The following ENPP2 variants were observed in gnomAD, a reference collection of about 807,000 sequenced individuals.
ENPP2 encodes the protein ectonucleotide pyrophosphatase/phosphodiesterase 2, also known as autotaxin.
ENPP2 carries 51 observed loss-of-function variants against 120.2 expected under a neutral mutation model. The observed-to-expected ratio is 0.42, with a 90% CI of 0.34 to 0.54. The LOEUF (loss-of-function observed/expected upper bound fraction) is 0.54. ENPP2 is among the 20% of genes least tolerant of loss of function. ENPP2 has a pLI of 0.04. For synonymous variants in ENPP2, 365 were observed against 366.4 expected (o/e 1.00, Z 0.04); for missense variants, 920 against 1,066.5 (o/e 0.86, Z 1.91).
At chr8:119,658,730 A>T (rs953429345) in intron 1 of ENPP2, among the ~76,000 whole-genome samples, 29 of 152,094 alleles carry the variant, frequency 1.9e-4, no homozygotes, top group African/African-American at 7.0e-4. Flanking sequence ...ACCCCAGGCC[A>T]CAGGACTATA....
intron 23 of ENPP2, among the ~76,000 whole-genome samples, chr8:119,564,109 C>A (rs1814199448): frequency 6.6e-6 from 1 of 151,808 alleles, no homozygotes; most frequent in African/African-American, 2.4e-5. Flanking sequence ...TGCCCAACAG[C>A]ACCAAAGAGA....
At chr8:119,574,695 A>C (rs1812212853) in intron 19 of ENPP2, among the ~76,000 whole-genome samples, 1 of 152,042 alleles carries the variant, frequency 6.6e-6, no homozygotes, top group African/African-American at 2.4e-5. Flanking sequence ...GGCTGTCTTG[A>C]GAGCCACATG....
chr8:119,590,251 G>A (rs563723342), intron 13 of ENPP2, among the ~76,000 whole-genome samples: 1 of 152,144 alleles, frequency 6.6e-6, no homozygotes, highest in Non-Finnish European at 1.5e-5. Flanking sequence ...TTTATATAAT[G>A]CTACTATGTG....
chr8:119,619,417 CAAA>C (rs5894488), intron 4 of ENPP2, 113 bp from the exon 5 acceptor site: 1,778 of 428,064 alleles, frequency 4.2e-3, no homozygotes, highest in South Asian at 7.3e-3. Flanking sequence ...TGGGATATAA[CAAA>C]AAAAAAAAAA....
chr8:119,591,487 T>C (rs369516445), intron 12 of ENPP2, among the ~76,000 whole-genome samples: 1 of 152,188 alleles, frequency 6.6e-6, no homozygotes, highest in East Asian at 1.9e-4. Context: ...CTACTAGAGA[T>C]CTTATTGAAA....
intron 15 of ENPP2, 26 bp from the exon 16 acceptor site, chr8:119,584,075 G>C (rs1370838288): frequency 6.9e-7 from 1 of 1,440,908 alleles, no homozygotes. Flanking sequence ...TTCATGATTA[G>C]TTAGAATTTC....
At chr8:119,667,719 T>A (rs1270963791) in intron 1 of ENPP2, among the ~76,000 whole-genome samples, 1 of 152,206 alleles carries the variant, frequency 6.6e-6, no homozygotes, top group Admixed American at 6.5e-5. Flanking sequence ...TTACCAGCCA[T>A]CCTTCCAACT....
intron 1 of ENPP2, among the ~76,000 whole-genome samples, chr8:119,662,249 A>G (rs991290191): frequency 2.6e-5 from 4 of 152,212 alleles, no homozygotes; most frequent in African/African-American, 9.6e-5. Flanking sequence ...ATATGTATAC[A>G]TTCAACAGTG....
At chr8:119,626,765 T>A (rs368551300) in intron 2 of ENPP2, 45 bp from the exon 3 acceptor site, 2 of 1,590,662 alleles carry the variant, frequency 1.3e-6, no homozygotes, top group African/African-American at 2.7e-5. Context: ...AGAGTGGTCA[T>A]GTCACCATGG....
chr8:119,592,924 C>T, intron 12 of ENPP2: 18 of 930,148 alleles, frequency 1.9e-5, no homozygotes, highest in Non-Finnish European at 2.3e-5. Flanking sequence ...GATTTGCCTA[C>T]CATTCTTAAC....
At chr8:119,621,283 C>T in intron 4 of ENPP2, 111 bp downstream of exon 4, 2 of 914,454 alleles carry the variant, frequency 2.2e-6, no homozygotes, top group Non-Finnish European at 3.5e-6. Flanking sequence ...CAATTCATTC[C>T]TTCCTCCCAA....
chr8:119,624,057 T>C (rs1816101688), intron 3 of ENPP2, among the ~76,000 whole-genome samples: 1 of 152,164 alleles, frequency 6.6e-6, no homozygotes, highest in Admixed American at 6.5e-5. Context: ...ACTCTAGATA[T>C]TGTGGGGTTT....
chr8:119,589,689 A>C (rs545142796), intron 13 of ENPP2, among the ~76,000 whole-genome samples: 1 of 151,754 alleles, frequency 6.6e-6, no homozygotes, highest in African/African-American at 2.4e-5. Context: ...AGTTGTGTTG[A>C]CTCAGGAACA....
chr8:119,564,990 C>G (rs1233512986), intron 22 of ENPP2, 35 bp from the exon 23 acceptor site: 3 of 1,600,122 alleles, frequency 1.9e-6, no homozygotes, highest in Middle Eastern at 1.7e-4. Flanking sequence ...ATCAATTATT[C>G]ATGAAGAAAA....
rs1813552542 is a variant in ENPP2, at chr8:119,557,461, C to T, written c.*60G>A. 2.9e-6 allele frequency: 4 copies of T among 1,379,920 alleles called. No homozygotes were observed. The highest frequency in any genetic ancestry group is 4.0e-6 in the Non-Finnish European group (4 of 1,000,170). 85.5% of individuals were successfully genotyped at this position (1,379,920 alleles called of 1,614,324 possible). On this transcript the variant is annotated 3_prime_UTR_variant, in exon 25 of 25. Coordinates refer to ENST00000075322, the MANE Select transcript of ENPP2 (RefSeq NM_001040092.3). ...TGTCCTGGTTTCAAATTAATAAATA[C>T]AAAAACAATATAAAAATATACAACC...
At chr8:119,641,784 G>A, upstream of ENPP2, among the ~76,000 whole-genome samples, 1 of 152,158 alleles carries the variant, frequency 6.6e-6, no homozygotes, top group East Asian at 1.9e-4. Context: ...ACAAGAACTG[G>A]CACAATAGGT....
chr8:119,603,334 T>C (rs898880778), intron 9 of ENPP2, among the ~76,000 whole-genome samples: 1 of 152,160 alleles, frequency 6.6e-6, no homozygotes, highest in African/African-American at 2.4e-5. Context: ...AAACGGGCCC[T>C]AATGAACCCA....
chr8:119,626,675 C>A lies in ENPP2; in HGVS notation c.182G>T (p.Gly61Val). ...PWTNISGSCKGRCFELQEAGP... is the reference protein window; with the variant it reads ...PWTNISGSCKVRCFELQEAGP... ...AGCCTCTTGAAGTTCAAAGCACCTG[C>A]CCTTGCAAGATCCGGAGATGTTGGT... Residue 61 changes from glycine to valine, a missense_variant, in exon 3 of 25, where the codon GGC (glycine) becomes GTC (valine). Gly to Val is a moderately radical substitution (Grantham distance 109, BLOSUM62 -3). Coordinates refer to ENST00000075322, the MANE Select transcript of ENPP2 (RefSeq NM_001040092.3). The A allele has an allele frequency of 6.2e-7, 1 of 1,614,084 alleles. No individual in the cohort carries two copies. The highest frequency in any genetic ancestry group is 8.5e-7 in the Non-Finnish European group (1 of 1,179,954).
intron 3 of ENPP2, among the ~76,000 whole-genome samples, chr8:119,622,118 G>A (rs796289140): frequency 5.9e-5 from 9 of 152,126 alleles, no homozygotes; most frequent in African/African-American, 2.2e-4. Context: ...TAGTAGAGAC[G>A]GGGTTTCACC....
Sources: gnomAD v4.1 joint callset for allele counts (sites outside exome capture counted in the v4.1 genomes callset) on GRCh38, gnomAD v4.1.1 for gene constraint, MANE v1.5 for transcripts, NCBI Gene and HGNC (gene_info 2026-07-23, HGNC 2026-07-21) for gene names.